Variants in CCDC110 observed in about 807,000 individuals in gnomAD.
CCDC110 encodes coiled-coil domain containing 110.
A neutral mutation model predicts 77.1 loss-of-function variants in CCDC110; 70 were observed. The observed-to-expected ratio is 0.91, with a 90% confidence interval of 0.75 to 1.11. CCDC110 has a LOEUF of 1.11. Among genes scored for constraint, CCDC110 ranks in the 50% least tolerant of loss-of-function variants. CCDC110 has a pLI of 0.00. For synonymous variants in CCDC110, 295 were observed against 312.5 expected (o/e 0.94, Z 0.59); for missense variants, 868 against 942.9 (o/e 0.92, Z 1.04).
chr4:185,448,689 A>G (rs1020060321), intron 6 of CCDC110, among the ~76,000 whole-genome samples: 8 of 152,156 alleles, frequency 5.3e-5, no homozygotes, highest in Non-Finnish European at 8.8e-5. Context: ...CAAGCCACCT[A>G]TCGCTACTCT....
chr4:185,450,335 C>T (rs1017436909), intron 6 of CCDC110, among the ~76,000 whole-genome samples: 4 of 152,292 alleles, frequency 2.6e-5, no homozygotes, highest in South Asian at 4.1e-4. Context: ...GTCAGTCTTT[C>T]GTGTCCTCCC....
At chr4:185,457,372 G>C in intron 6 of CCDC110, 1 of 452,650 alleles carries the variant, frequency 2.2e-6, no homozygotes, top group Non-Finnish European at 4.4e-6. Context: ...TATAATACTC[G>C]GGTTTCTAAG....
At position 185,468,801 on chromosome 4, in the gene CCDC110, A is replaced by G. The variant is rs550351891; in HGVS notation, c.115+2144T>C. ...CCCCCTTCTCAGCCTTATGTTCTCC[A>G]TAGAATTTATTCCCCGCTTACACAC... On this transcript the variant is annotated intron_variant, in intron 2 of 6. Transcript: ENST00000307588. This position sits in a 1 kb window ranked among gnomAD's most constrained non-coding sequence, Gnocchi z 4.5. Among the ~76,000 whole-genome samples the G allele has an allele frequency of 3.0e-4, 45 of 152,036 alleles. No individual in the cohort carries two copies. Among genetic ancestry groups the G allele is most frequent in the African/African-American group, 1.1e-3 (44 of 41,452 alleles).
In CCDC110 at chr4:185,460,057, T is replaced by C. The variant is rs372072328; in HGVS notation, c.530A>G (p.Asp177Gly). Residue 177 changes from aspartate (D) to glycine (G), a missense_variant, in exon 6 of 7, where the codon GAC (aspartate) becomes GGC (glycine). Coordinates refer to ENST00000307588, the MANE Select transcript of CCDC110 (RefSeq NM_152775.4). ...TATAATTATGTTTGAAGATAAATTG[T>C]CTGTTGAAGTTCTCAGAGTTAATGT... ...EDTLTLRTSTDNLSSNIIIHP... is the reference protein window; with the variant it reads ...EDTLTLRTSTGNLSSNIIIHP... 5 of 1,613,706 alleles carry C rather than the reference T, an allele frequency of 3.1e-6. No individual in the cohort carries two copies. In the African/African-American group the frequency reaches 6.7e-5, roughly 22 times the overall value.
rs149743950 is a variant in CCDC110 at position 185,458,141 on chromosome 4, C to G, written c.2446G>C (p.Ala816Pro). Residue 816 changes from alanine to proline, a missense_variant, in exon 6 of 7, where the codon GCT becomes CCT. Transcript: ENST00000307588. ...ACTTGCGTACCTTTCAAATCCGAAG[C>G]CAAAGGCCTACTCTGAGGACTAGAA... ...DTSSPQSRPLASDLKGYFKVK... is the reference protein window; with the variant it reads ...DTSSPQSRPLPSDLKGYFKVK... 1.4e-4 allele frequency: 215 copies of G among 1,553,702 alleles called. No homozygotes were observed. In the African/African-American group the frequency reaches 2.6e-3, roughly 19 times the overall value.
At position 185,468,028 on chromosome 4, in the gene CCDC110, CA is replaced by C. The variant is rs1485977473; in HGVS notation, c.115+2916del. On this transcript the variant is annotated intron_variant, in intron 2 of 6. Coordinates refer to ENST00000307588, the MANE Select transcript of CCDC110 (RefSeq NM_152775.4). The surrounding 1 kb of genome is among the most constrained non-coding windows in gnomAD (Gnocchi z 4.5). ...AGGTGATCCTCCTGCCTCGGTCTCC[CA>C]AAATGCTGGGATTACAGGCGTGAGC... 8.5e-5 allele frequency among the ~76,000 whole-genome samples: 13 copies of C among 152,198 alleles called. No individual in the cohort carries two copies. Among genetic ancestry groups the C allele is most frequent in the African/African-American group, 3.1e-4 (13 of 41,446 alleles).
intron 2 of CCDC110, among the ~76,000 whole-genome samples, chr4:185,463,688 G>C (rs1192966996): frequency 6.6e-6 from 1 of 152,192 alleles, no homozygotes; most frequent in Non-Finnish European, 1.5e-5. Flanking sequence ...CCCCGCTTCA[G>C]ACTCAGTGTG....
intron 2 of CCDC110, among the ~76,000 whole-genome samples, chr4:185,465,978 ATATGT>A (rs2095654964): frequency 6.6e-6 from 1 of 152,178 alleles, no homozygotes; most frequent in Non-Finnish European, 1.5e-5. Context: ...ACATTTTTAG[ATATGT>A]TAAGGCTAGG....
intron 4 of CCDC110, among the ~76,000 whole-genome samples, chr4:185,462,131 T>C (rs2095647543): frequency 6.6e-6 from 1 of 152,098 alleles, no homozygotes; most frequent in East Asian, 1.9e-4. Context: ...CTGACTTGAA[T>C]TTGGAAGGAG....
chr4:185,452,888 C>CAAAAAAAAAAAAAAAA (rs70962569), intron 6 of CCDC110, among the ~76,000 whole-genome samples: 1 of 67,286 alleles, frequency 1.5e-5, no homozygotes, highest in Non-Finnish European at 2.9e-5. Flanking sequence ...GAGTGAGACT[C>CAAAAAAAAAAAAAAAA]AAAAAAAAAA....
rs2153320105 is a variant in CCDC110, at chr4:185,457,702, T to A, written c.2461+424A>T. The A allele has an allele frequency of 1.2e-5, 13 of 1,065,548 alleles. No homozygotes were observed. In the South Asian group the frequency reaches 2.7e-4, roughly 22 times the overall value. The allele number at this position is 1,065,548 out of a possible 1,614,324, so 66.0% of individuals were successfully genotyped here. A position where few individuals can be genotyped will look rare whatever the true frequency, so the allele number is the denominator to read the frequency against. ...ACCAGGTTAATGTAATCACATAATTTAAAATTATTTTGTGGGGGGAAAAAG... is the reference window on the plus strand; with the variant it reads ...ACCAGGTTAATGTAATCACATAATTAAAAATTATTTTGTGGGGGGAAAAAG... On this transcript the variant is annotated intron_variant, in intron 6 of 6. Coordinates refer to ENST00000307588, the MANE Select transcript of CCDC110 (RefSeq NM_152775.4).
Position 185,459,467 on chromosome 4 carries a change from G to C in CCDC110, c.1120C>G (p.His374Asp). 3.7e-6 allele frequency: 6 copies of C among 1,613,596 alleles called. No individual in the cohort carries two copies. The highest frequency in any genetic ancestry group is 5.1e-6 in the Non-Finnish European group (6 of 1,179,736). ...TGKNITDLKF[H>D]SRVPRYTLSF... ...AGTGTGTATCTTGGAACTCTGGAAT[G>C]GAATTTTAAATCTGTAATATTTTTG... Residue 374 changes from histidine to aspartate, a missense_variant, in exon 6 of 7, where the codon CAT (histidine) becomes GAT (aspartate). Coordinates refer to ENST00000307588, the MANE Select transcript of CCDC110 (RefSeq NM_152775.4).
At chr4:185,470,704 C>A (rs750569404) in intron 2 of CCDC110, 4 of 605,660 alleles carry the variant, frequency 6.6e-6, no homozygotes, top group African/African-American at 5.5e-5. Flanking sequence ...CCTCTCTGTG[C>A]CCGTTTCCTT....
intron 6 of CCDC110, among the ~76,000 whole-genome samples, chr4:185,455,465 G>A (rs1317552877): frequency 6.6e-6 from 1 of 151,984 alleles, no homozygotes; most frequent in Non-Finnish European, 1.5e-5. Flanking sequence ...ACAACTAGAG[G>A]GGCTATATCA....
At chr4:185,448,996 C>T (rs960773088) in intron 6 of CCDC110, among the ~76,000 whole-genome samples, 6 of 152,050 alleles carry the variant, frequency 3.9e-5, no homozygotes, top group African/African-American at 1.4e-4. Context: ...AAACATTATC[C>T]TGAATCAAGT....
intron 4 of CCDC110, among the ~76,000 whole-genome samples, chr4:185,461,778 G>A (rs2095646850): frequency 6.6e-6 from 1 of 152,170 alleles, no homozygotes; most frequent in Admixed American, 6.5e-5. Context: ...TCTGAATCAG[G>A]CCAAGAGCCT....
In CCDC110 at chr4:185,469,780, C is replaced by G. The variant is rs1580205890; in HGVS notation, c.115+1165G>C. On this transcript the variant is annotated intron_variant, in intron 2 of 6. Coordinates refer to ENST00000307588, the MANE Select transcript of CCDC110 (RefSeq NM_152775.4). ...TTCTGTCTACTGAGGTGTGGCTGCT[C>G]TAGTCTCTTCTTTCCGGGCCCTGAC... Among the ~76,000 whole-genome samples the G allele has an allele frequency of 2.0e-5, 3 of 152,202 alleles. No individual in the cohort carries two copies. The South Asian group carries it at 6.2e-4, about 32-fold the overall frequency.
At chr4:185,457,957 T>G in intron 6 of CCDC110, 169 bp downstream of exon 6, 1 of 616,102 alleles carries the variant, frequency 1.6e-6, no homozygotes, top group South Asian at 4.0e-5. Context: ...ATATATTTTA[T>G]CTAGAAAAAA....
At position 185,460,046 on chromosome 4, in the gene CCDC110, A is replaced by C; in HGVS notation, c.541T>G (p.Ser181Ala). Residue 181 changes from serine (S) to alanine (A), a missense_variant, in exon 6 of 7, where the codon TCA (serine) becomes GCA (alanine). By Grantham distance (99) the Ser-to-Ala change is moderately conservative. Transcript: ENST00000307588. ...TLRTSTDNLS[S>A]NIIIHPSENS... Reference sequence around the variant, plus strand: ...TCTGAAGGGTGTATAATTATGTTTGAAGATAAATTGTCTGTTGAAGTTCTC... The same window carrying C: ...TCTGAAGGGTGTATAATTATGTTTGCAGATAAATTGTCTGTTGAAGTTCTC... The C allele has an allele frequency of 6.2e-7, 1 of 1,613,758 alleles. No individual in the cohort carries two copies. Among genetic ancestry groups the C allele is most frequent in the Admixed American group, 1.7e-5 (1 of 60,012 alleles).
Sources: gnomAD v4.1 joint callset for allele counts (sites outside exome capture counted in the v4.1 genomes callset) on GRCh38, gnomAD v4.1.1 for gene constraint, Gnocchi (gnomAD v3.1) non-coding constraint, MANE v1.5 for transcripts, NCBI Gene and HGNC (gene_info 2026-07-23, HGNC 2026-07-21) for gene names.